TTC7B: variants seen among roughly 807,000 people sequenced by gnomAD.
The protein encoded by TTC7B is tetratricopeptide repeat protein 7B.
TTC7B carries 28 observed loss-of-function variants against 106.8 expected under a neutral mutation model. The ratio of observed to expected loss-of-function variants is 0.26; its 90% confidence interval spans 0.19 to 0.36. TTC7B has a LOEUF of 0.36. Among genes scored for constraint, TTC7B ranks in the 10% least tolerant of loss-of-function variants. The probability of loss-of-function intolerance (pLI) is 1.00; values close to 1 mark genes in which losing one functional copy is unlikely to be tolerated. For synonymous variants in TTC7B, 405 were observed against 430.6 expected (o/e 0.94, Z 0.74); for missense variants, 862 against 1,076.4 (o/e 0.80, Z 2.79).
chr14:90,720,379 C>G (rs1176062789), intron 5 of TTC7B, among the ~76,000 whole-genome samples: 1 of 152,176 alleles, frequency 6.6e-6, no homozygotes, highest in African/African-American at 2.4e-5. Context: ...TCTGATTTCT[C>G]TCTGACAGCA....
chr14:90,666,237 C>T (rs1886403831), intron 9 of TTC7B, among the ~76,000 whole-genome samples: 1 of 152,222 alleles, frequency 6.6e-6, no homozygotes, highest in Non-Finnish European at 1.5e-5. Flanking sequence ...TCTCGGCTCA[C>T]TGCAACCTCC....
At chr14:90,604,887 A>G (rs963572497) in intron 17 of TTC7B, among the ~76,000 whole-genome samples, 1 of 152,226 alleles carries the variant, frequency 6.6e-6, no homozygotes, top group African/African-American at 2.4e-5. Flanking sequence ...AGATTAGACT[A>G]AAATACTATT....
chr14:90,815,718 C>G (rs556630632), intron 1 of TTC7B, among the ~76,000 whole-genome samples: 46 of 152,138 alleles, frequency 3.0e-4, no homozygotes, highest in African/African-American at 1.1e-3. Flanking sequence ...GGTCTATGTA[C>G]AACACCCCAT....
At chr14:90,641,520 G>A (rs1377158068) in intron 15 of TTC7B, among the ~76,000 whole-genome samples, 1 of 152,208 alleles carries the variant, frequency 6.6e-6, no homozygotes, top group African/African-American at 2.4e-5. Context: ...TAGCCAGGTT[G>A]GGAAGAAACC....
intron 1 of TTC7B, among the ~76,000 whole-genome samples, chr14:90,797,732 AT>A (rs2029968778): frequency 6.6e-6 from 1 of 152,182 alleles, no homozygotes; most frequent in African/African-American, 2.4e-5. Flanking sequence ...TCCCACAGAT[AT>A]ATGCAATCTT....
intron 7 of TTC7B, among the ~76,000 whole-genome samples, chr14:90,687,790 G>C (rs1055800199): frequency 1.3e-5 from 2 of 152,146 alleles, no homozygotes; most frequent in Admixed American, 6.6e-5. Context: ...GTAGAAAAGG[G>C]GGATGAAAAC....
chr14:90,745,514 TC>T (rs1889933616), intron 3 of TTC7B, among the ~76,000 whole-genome samples: 1 of 152,150 alleles, frequency 6.6e-6, no homozygotes, highest in Admixed American at 6.5e-5. Flanking sequence ...TTTGCTCAAA[TC>T]CTTTCTCCAT....
chr14:90,751,489 G>A (rs752763768), intron 3 of TTC7B, among the ~76,000 whole-genome samples: 12 of 152,164 alleles, frequency 7.9e-5, no homozygotes, highest in Non-Finnish European at 1.5e-4. Context: ...TGAATTCCTG[G>A]GCTCAAAGCA....
At chr14:90,793,897 C>G (rs1415704417) in intron 1 of TTC7B, among the ~76,000 whole-genome samples, 3 of 145,694 alleles carry the variant, frequency 2.1e-5, no homozygotes, top group Non-Finnish European at 4.5e-5. Flanking sequence ...CGTGAGCCAC[C>G]GCGCCCGGCC....
intron 18 of TTC7B, among the ~76,000 whole-genome samples, chr14:90,580,392 T>G (rs1020334564): frequency 1.1e-4 from 17 of 152,180 alleles, no homozygotes; most frequent in African/African-American, 4.1e-4. Context: ...GCAGAAAGCG[T>G]GAACACCCTG....
At chr14:90,627,039 T>A (rs4904716) in intron 15 of TTC7B, among the ~76,000 whole-genome samples, 133 of 152,048 alleles carry the variant, frequency 8.7e-4, no homozygotes, top group African/African-American at 3.0e-3. Context: ...CAGGCTAAAG[T>A]GCAGTGGCTC....
At chr14:90,581,348 T>C (rs557709829) in intron 18 of TTC7B, among the ~76,000 whole-genome samples, 4 of 152,292 alleles carry the variant, frequency 2.6e-5, no homozygotes, top group African/African-American at 9.6e-5. Flanking sequence ...AAGAAGACAT[T>C]TCTCTGTCCT....
At chr14:90,754,318 G>A (rs936007728) in intron 3 of TTC7B, among the ~76,000 whole-genome samples, 4 of 152,152 alleles carry the variant, frequency 2.6e-5, no homozygotes, top group African/African-American at 7.2e-5. Context: ...GTCTTTATAC[G>A]TAAAGCAGTA....
rs1160344762 is a variant in TTC7B at position 90,575,408 on chromosome 14, A to G, written c.2310+2698T>C. 1.3e-5 allele frequency among the ~76,000 whole-genome samples: 2 copies of G among 152,206 alleles called. No homozygotes were observed. The highest frequency in any genetic ancestry group is 2.4e-5 in the African/African-American group (1 of 41,452). ...CTCCAGGGCCTCCTCCTGGGCCTCT[A>G]GGGTATACGTGAAGACCCCCTTCCT... On this transcript the variant is annotated intron_variant, in intron 19 of 19. Coordinates refer to ENST00000328459, the MANE Select transcript of TTC7B (RefSeq NM_001010854.2). The surrounding 1 kb of genome is among the most constrained non-coding windows in gnomAD (Gnocchi z 5.2).
At chr14:90,620,587 C>T (rs1390986127) in intron 15 of TTC7B, among the ~76,000 whole-genome samples, 1 of 152,116 alleles carries the variant, frequency 6.6e-6, no homozygotes, top group African/African-American at 2.4e-5. Flanking sequence ...TGTGGGGGGT[C>T]CAGGAAGCCG....
chr14:90,618,872 C>T (rs141203728), intron 15 of TTC7B, among the ~76,000 whole-genome samples: 7 of 152,182 alleles, frequency 4.6e-5, no homozygotes, highest in South Asian at 2.1e-4. Flanking sequence ...CTGACTTACC[C>T]GCTCTCACAC....
In TTC7B at chr14:90,529,760, GCTGGCATTACC is replaced by G. The variant is rs1174361640; in HGVS notation, c.*11597_*11607del. 2.0e-5 allele frequency: 3 copies of G among 152,212 alleles called. No individual in the cohort carries two copies. Among genetic ancestry groups the G allele is most frequent in the African/African-American group, 7.2e-5 (3 of 41,448 alleles). 9.4% of individuals were successfully genotyped at this position (152,212 alleles called of 1,614,324 possible). A position where few individuals can be genotyped will look rare whatever the true frequency, so the allele number is the denominator to read the frequency against. On this transcript the variant is annotated 3_prime_UTR_variant, in exon 20 of 20. Transcript: ENST00000328459. ...CATAATAAATGCTCAATAATTGTGAGCTGGCATTACCCATTCCATTGTATGTGGCATGACAA... is the reference window on the plus strand; with the variant it reads ...CATAATAAATGCTCAATAATTGTGAGCATTCCATTGTATGTGGCATGACAA...
chr14:90,630,837 TG>T (rs66857399), intron 15 of TTC7B, among the ~76,000 whole-genome samples: 27,698 of 145,180 alleles, frequency 0.19, 3,507 homozygotes, highest in Non-Finnish European at 0.26. Flanking sequence ...TCTTGTTTTT[TG>T]TTTTTTTTTT....
At chr14:90,695,031 T>TTTTATTTTATTATAAAATATA (rs1887661913) in intron 6 of TTC7B, among the ~76,000 whole-genome samples, 2 of 55,650 alleles carry the variant, frequency 3.6e-5, no homozygotes, top group African/African-American at 1.4e-4. Flanking sequence ...ATATGTATAT[T>TTTTATTTTATTATAAAATATA]TTTTATTTTA....
Sources: gnomAD v4.1 joint callset for allele counts (sites outside exome capture counted in the v4.1 genomes callset) on GRCh38, gnomAD v4.1.1 for gene constraint, Gnocchi (gnomAD v3.1) non-coding constraint, MANE v1.5 for transcripts, NCBI Gene and HGNC (gene_info 2026-07-23, HGNC 2026-07-21) for gene names.